The following COL21A1 variants were observed in gnomAD, a reference collection of about 807,000 sequenced individuals.
The protein encoded by COL21A1 is collagen type XXI alpha 1 chain.
In COL21A1, 149 loss-of-function variants were observed where a neutral mutation model predicts 137.9. The observed-to-expected ratio is 1.08, with a 90% CI of 0.95 to 1.24. The LOEUF (loss-of-function observed/expected upper bound fraction) is 1.24. Ranked by LOEUF, COL21A1 falls within the 50% of genes most tolerant of loss-of-function variation. The probability of loss-of-function intolerance (pLI) is 0.00; values close to 1 mark genes in which losing one functional copy is unlikely to be tolerated. For missense variants in COL21A1, 1,167 were observed against 1,158.4 expected, an observed-to-expected ratio of 1.01 and a Z score of -0.11; for synonymous variants, 456 against 391.5, an observed-to-expected ratio of 1.16 and a Z score of -1.95.
chr6:56,157,569 C>T (rs1315748286), intron 9 of COL21A1, among the ~76,000 whole-genome samples: 1 of 152,086 alleles, frequency 6.6e-6, no homozygotes, highest in Non-Finnish European at 1.5e-5. Flanking sequence ...CCTCAGCCTT[C>T]CAAACTGCTA....
chr6:56,274,650 A>C (rs1763600663), intron 1 of COL21A1, among the ~76,000 whole-genome samples: 1 of 152,158 alleles, frequency 6.6e-6, no homozygotes, highest in African/African-American at 2.4e-5. Context: ...AATACCTAGG[A>C]ATACAGTTAA....
intron 16 of COL21A1, among the ~76,000 whole-genome samples, chr6:56,114,122 G>A (rs1207276303): frequency 6.6e-6 from 1 of 152,208 alleles, no homozygotes; most frequent in Non-Finnish European, 1.5e-5. Context: ...GGACCCATTT[G>A]GGGGTTGGTG....
intron 17 of COL21A1, chr6:56,078,005 G>A (rs1767394311): frequency 2.3e-6 from 1 of 440,580 alleles, no homozygotes; most frequent in Non-Finnish European, 4.5e-6. Flanking sequence ...TTAATTAAAT[G>A]ATTGCCTCCC....
At chr6:56,312,370 G>T (rs1156308235) in intron 1 of COL21A1, among the ~76,000 whole-genome samples, 15 of 152,154 alleles carry the variant, frequency 9.9e-5, no homozygotes, top group Admixed American at 9.2e-4. Flanking sequence ...TTTGATGATT[G>T]ATTGGCCATG....
At chr6:56,124,379 T>C in intron 14 of COL21A1, 87 bp from the exon 15 acceptor site, 2 of 1,235,594 alleles carry the variant, frequency 1.6e-6, no homozygotes, top group Non-Finnish European at 2.3e-6. Flanking sequence ...AGCTACTAAG[T>C]TAACATCATT....
intron 1 of COL21A1, among the ~76,000 whole-genome samples, chr6:56,238,507 G>A (rs1051993478): frequency 3.4e-5 from 5 of 148,280 alleles, no homozygotes; most frequent in Admixed American, 2.0e-4. Flanking sequence ...AGTTACAAGC[G>A]AGACCTGAGG....
rs535619712 is a variant in COL21A1, at chr6:56,245,777, T to C, written c.-39+1610A>G. The stretch of plus-strand genomic sequence containing the variant: ...CCAAAGTTCCTGTTCCTAACCACTA[T>C]CTAAATTTCCCCCAGATTCTCTAAA... On this transcript the variant is annotated intron_variant, in intron 1 of 29. Coordinates refer to ENST00000244728, the MANE Select transcript of COL21A1 (RefSeq NM_030820.4). Among the ~76,000 whole-genome samples, 46 of 152,282 alleles carry C rather than the reference T, an allele frequency of 3.0e-4. No individual in the cohort carries two copies. In the South Asian group the frequency reaches 9.5e-3, roughly 32 times the overall value.
intron 1 of COL21A1, among the ~76,000 whole-genome samples, chr6:56,239,886 T>A (rs867365864): frequency 1.3e-5 from 2 of 152,178 alleles, no homozygotes; most frequent in Non-Finnish European, 2.9e-5. Context: ...GGTTTGCCTG[T>A]GTCCCACCCA....
chr6:56,362,086 G>A (rs192462882), intron 1 of COL21A1, among the ~76,000 whole-genome samples: 310 of 152,162 alleles, frequency 2.0e-3, no homozygotes, highest in African/African-American at 7.1e-3. Context: ...CCCCCGACCC[G>A]TCCACCATCT....
chr6:56,200,632 C>T (rs1387138632), intron 1 of COL21A1, among the ~76,000 whole-genome samples: 3 of 151,902 alleles, frequency 2.0e-5, no homozygotes, highest in Non-Finnish European at 4.4e-5. Context: ...AGGACATGAA[C>T]TCATCATTTT....
chr6:56,071,266 G>GTTT (rs1766729655), intron 20 of COL21A1, among the ~76,000 whole-genome samples: 1 of 151,576 alleles, frequency 6.6e-6, no homozygotes, highest in Non-Finnish European at 1.5e-5. Flanking sequence ...ATCAGAAAAT[G>GTTT]TTTAGTTTGT....
At chr6:56,304,123 A>T (rs766657732) in intron 1 of COL21A1, among the ~76,000 whole-genome samples, 1 of 152,094 alleles carries the variant, frequency 6.6e-6, no homozygotes, top group Non-Finnish European at 1.5e-5. Context: ...GTGCTGCTGG[A>T]TTCGGTTTGT....
At chr6:56,075,424 G>C (rs983158316) in intron 19 of COL21A1, 55 bp downstream of exon 19, 2 of 1,351,774 alleles carry the variant, frequency 1.5e-6, no homozygotes, top group African/African-American at 3.0e-5. Context: ...ACTCCTAGTA[G>C]GTAGTAGCAA....
chr6:56,232,068 G>C (rs1781602082), intron 1 of COL21A1, among the ~76,000 whole-genome samples: 1 of 151,838 alleles, frequency 6.6e-6, no homozygotes. Context: ...TGCCAAGTGG[G>C]ATGGCAAGAG....
intron 1 of COL21A1, among the ~76,000 whole-genome samples, chr6:56,326,810 A>G (rs12193109): frequency 0.051 from 7,800 of 152,114 alleles, 295 homozygotes; most frequent in Middle Eastern, 0.19. Flanking sequence ...ATTCATTTCT[A>G]TCTTGACTAG....
intron 1 of COL21A1, among the ~76,000 whole-genome samples, chr6:56,282,014 T>C (rs1562038370): frequency 6.6e-6 from 1 of 152,234 alleles, no homozygotes; most frequent in Non-Finnish European, 1.5e-5. Flanking sequence ...AGTGGGTTTT[T>C]TAGAATTGCT....
At chr6:56,058,226 G>A (rs1765498305) in intron 29 of COL21A1, among the ~76,000 whole-genome samples, 1 of 152,040 alleles carries the variant, frequency 6.6e-6, no homozygotes, top group African/African-American at 2.4e-5. Flanking sequence ...CCAAAGCTGA[G>A]TCATTTTTGT....
intron 1 of COL21A1, among the ~76,000 whole-genome samples, chr6:56,330,290 C>T (rs1402235634): frequency 6.6e-6 from 1 of 151,704 alleles, no homozygotes; most frequent in African/African-American, 2.4e-5. Context: ...GAGGGTAAAG[C>T]AAAAATAAAA....
intron 1 of COL21A1, among the ~76,000 whole-genome samples, chr6:56,301,805 A>C (rs1379901093): frequency 6.6e-6 from 1 of 151,952 alleles, no homozygotes; most frequent in East Asian, 1.9e-4. Flanking sequence ...GGTGTGCTGC[A>C]CCCAGTAACT....
Sources: gnomAD v4.1 joint callset for allele counts (sites outside exome capture counted in the v4.1 genomes callset) on GRCh38, gnomAD v4.1.1 for gene constraint, MANE v1.5 for transcripts, NCBI Gene and HGNC (gene_info 2026-07-23, HGNC 2026-07-21) for gene names.